Variants in MMP16 observed in about 807,000 individuals in gnomAD.
The protein encoded by MMP16 is matrix metalloproteinase-16.
Under a neutral mutation model 67.8 loss-of-function variants are expected in MMP16, and 12 were observed. That is an observed-to-expected ratio of 0.18 (90% CI 0.11 to 0.29). The LOEUF (loss-of-function observed/expected upper bound fraction) is 0.29, where lower values mean the gene tolerates loss of function less well. Ranked by LOEUF, MMP16 falls within the 10% of genes least tolerant of loss-of-function variation. MMP16 has a pLI of 1.00. For missense variants in MMP16, 475 were observed against 765.7 expected, an observed-to-expected ratio of 0.62 and a Z score of 4.48; for synonymous variants, 249 against 255.9, an observed-to-expected ratio of 0.97 and a Z score of 0.26.
chr8:88,116,864 A>G, intron 5 of MMP16, 146 bp from the exon 6 acceptor site: 1 of 710,950 alleles, frequency 1.4e-6, no homozygotes, highest in Admixed American at 3.0e-5. Context: ...TCTGAAAAAA[A>G]CAAAATATCT....
chr8:88,204,152 G>A (rs1436677775), intron 1 of MMP16, among the ~76,000 whole-genome samples: 1 of 152,094 alleles, frequency 6.6e-6, no homozygotes, highest in Non-Finnish European at 1.5e-5. Flanking sequence ...TCTGCCGAAA[G>A]AACAGTTGCA....
At chr8:88,208,329 A>G (rs549964943) in intron 1 of MMP16, among the ~76,000 whole-genome samples, 2 of 152,324 alleles carry the variant, frequency 1.3e-5, no homozygotes, top group African/African-American at 4.8e-5. Flanking sequence ...ACAAGCTGCC[A>G]GTATTTTAGT....
chr8:88,191,263 G>A (rs958728738), intron 2 of MMP16, among the ~76,000 whole-genome samples: 5 of 152,040 alleles, frequency 3.3e-5, no homozygotes, highest in African/African-American at 9.7e-5. Context: ...ATAGGTTACC[G>A]TTTCTTTTTA....
At chr8:88,224,128 T>A (rs1413233456) in intron 1 of MMP16, among the ~76,000 whole-genome samples, 1 of 152,024 alleles carries the variant, frequency 6.6e-6, no homozygotes, top group Non-Finnish European at 1.5e-5. Context: ...TCTGAACATA[T>A]AAAACAGTTT....
chr8:88,187,984 G>C (rs1212618226), intron 2 of MMP16, among the ~76,000 whole-genome samples: 1 of 152,166 alleles, frequency 6.6e-6, no homozygotes, highest in Non-Finnish European at 1.5e-5. Context: ...TGAGCTCTCA[G>C]GAGGTGAGAT....
chr8:88,282,144 G>A (rs528453438), intron 1 of MMP16, among the ~76,000 whole-genome samples: 1 of 148,634 alleles, frequency 6.7e-6, no homozygotes, highest in South Asian at 2.1e-4. Context: ...GCATGATCTC[G>A]GCTCACTGCT....
intron 3 of MMP16, among the ~76,000 whole-genome samples, chr8:88,171,642 T>A (rs1563552984): frequency 6.6e-6 from 1 of 152,158 alleles, no homozygotes. Flanking sequence ...AACATAATTA[T>A]AGATATTATT....
chr8:88,138,837 C>T lies in MMP16; in HGVS notation c.710-19976G>A, dbSNP rs551992810. 3.5e-4 allele frequency among the ~76,000 whole-genome samples: 53 copies of T among 151,654 alleles called. No homozygotes were observed. The South Asian group carries it at 0.011, about 32-fold the overall frequency. On this transcript the variant is annotated intron_variant, in intron 4 of 9. Coordinates refer to ENST00000286614, the MANE Select transcript of MMP16 (RefSeq NM_005941.5). ...ACACATACACATATACATATACATA[C>T]ATATGCATGTTATTTTATCTGTCTT...
intron 3 of MMP16, among the ~76,000 whole-genome samples, chr8:88,180,921 G>A (rs1389230086): frequency 6.6e-6 from 1 of 151,934 alleles, no homozygotes; most frequent in Admixed American, 6.6e-5. Flanking sequence ...CACATCAAAA[G>A]GCAAAAGAAG....
intron 3 of MMP16, among the ~76,000 whole-genome samples, chr8:88,171,039 T>C (rs1808792053): frequency 6.6e-6 from 1 of 151,990 alleles, no homozygotes; most frequent in African/African-American, 2.4e-5. Context: ...TGATTTCAAA[T>C]AAAGAATAAT....
intron 1 of MMP16, among the ~76,000 whole-genome samples, chr8:88,203,439 A>G (rs1429619220): frequency 6.6e-6 from 1 of 152,118 alleles, no homozygotes; most frequent in Non-Finnish European, 1.5e-5. Flanking sequence ...ACATCCACAC[A>G]TGCATGCATG....
intron 9 of MMP16, among the ~76,000 whole-genome samples, chr8:88,044,376 A>G (rs1053463643): frequency 6.6e-6 from 1 of 152,228 alleles, no homozygotes; most frequent in African/African-American, 2.4e-5. Flanking sequence ...GAAGTAGCCT[A>G]AAATAGAAGT....
intron 9 of MMP16, among the ~76,000 whole-genome samples, chr8:88,042,462 T>C (rs1239751840): frequency 1.3e-5 from 2 of 152,178 alleles, no homozygotes; most frequent in Non-Finnish European, 2.9e-5. Context: ...CTAACCTCAT[T>C]TCTGGCTCTA....
At chr8:88,288,628 TA>T (rs1367519811) in intron 1 of MMP16, among the ~76,000 whole-genome samples, 6 of 152,202 alleles carry the variant, frequency 3.9e-5, no homozygotes, top group African/African-American at 1.2e-4. Context: ...AATTTGCAAA[TA>T]TTTTTTTAAA....
At chr8:88,165,868 T>C (rs1199330653) in intron 4 of MMP16, among the ~76,000 whole-genome samples, 1 of 152,100 alleles carries the variant, frequency 6.6e-6, no homozygotes, top group Non-Finnish European at 1.5e-5. Flanking sequence ...CCTCCAAAGT[T>C]TTTGGCTTTT....
At chr8:88,175,543 G>A (rs566249863) in intron 3 of MMP16, among the ~76,000 whole-genome samples, 32 of 152,160 alleles carry the variant, frequency 2.1e-4, no homozygotes, top group African/African-American at 6.5e-4. Context: ...TCTTGTCAGC[G>A]CACTCTCAAC....
intron 1 of MMP16, among the ~76,000 whole-genome samples, chr8:88,239,529 AT>A (rs34718876): frequency 0.99 from 146,018 of 148,020 alleles, 72,024 homozygotes; most frequent in South Asian, 1. Context: ...GTGTTATAAA[AT>A]TTTTTTTTTT....
Position 88,222,607 on chromosome 8 carries a change from A to G in MMP16, c.133-25301T>C, listed in dbSNP as rs1227001193. Among the ~76,000 whole-genome samples, 4 of 152,324 alleles carry G rather than the reference A, an allele frequency of 2.6e-5. No individual in the cohort carries two copies. The South Asian group carries it at 8.3e-4, about 32-fold the overall frequency. ...ACAAGAAATGGGGAAAGGATTCCCT[A>G]TTTAATAAATGGTGCTGGGAAACTG... On this transcript the variant is annotated intron_variant, in intron 1 of 9. Transcript: ENST00000286614.
At chr8:88,239,784 C>A (rs896928980) in intron 1 of MMP16, among the ~76,000 whole-genome samples, 1 of 152,032 alleles carries the variant, frequency 6.6e-6, no homozygotes, top group African/African-American at 2.4e-5. Context: ...GTTGTTTTTG[C>A]CTTCAGTTGA....
Sources: allele counts gnomAD v4.1 joint callset (sites outside exome capture counted in the v4.1 genomes callset), GRCh38; gene constraint gnomAD v4.1.1; transcripts MANE v1.5; gene names NCBI Gene and HGNC (gene_info 2026-07-23, HGNC 2026-07-21).